THBS2: variants seen among roughly 807,000 people sequenced by gnomAD.
THBS2 encodes thrombospondin-2.
Under a neutral mutation model 135.2 loss-of-function variants are expected in THBS2, and 47 were observed. The ratio of observed to expected loss-of-function variants is 0.35; its 90% confidence interval spans 0.28 to 0.44. The LOEUF (loss-of-function observed/expected upper bound fraction) is 0.44. THBS2 is among the 20% of genes least tolerant of loss of function. The pLI is 1.00. For synonymous variants in THBS2, 639 were observed against 633.8 expected (o/e 1.01, Z -0.12); for missense variants, 1,288 against 1,603.1 (o/e 0.80, Z 3.36).
chr6:169,242,445 C>A (rs988064975), intron 4 of THBS2, among the ~76,000 whole-genome samples: 1 of 151,916 alleles, frequency 6.6e-6, no homozygotes, highest in South Asian at 2.1e-4. Context: ...CCCCAAACAC[C>A]CTTTCTTATG....
intron 16 of THBS2, 48 bp from the exon 17 acceptor site, chr6:169,225,427 G>A: frequency 6.6e-7 from 1 of 1,521,928 alleles, no homozygotes; most frequent in Non-Finnish European, 8.9e-7. Context: ...CCAGTTTGAG[G>A]AGGTGGAGAG....
intron 4 of THBS2, among the ~76,000 whole-genome samples, chr6:169,244,992 G>A (rs1048504887): frequency 3.3e-5 from 5 of 152,228 alleles, no homozygotes; most frequent in South Asian, 2.1e-4. Context: ...TGAAGTAGGC[G>A]GTGGGATCAC....
rs960895958 is a variant in THBS2 at position 169,216,234 on chromosome 6, A to G, written c.*1588T>C. 6.6e-6 allele frequency: 1 copy of G among 152,244 alleles called. No individual in the cohort carries two copies. The highest frequency in any genetic ancestry group is 2.4e-5 in the African/African-American group (1 of 41,462). 9.4% of individuals were successfully genotyped at this position (152,244 alleles called of 1,614,324 possible). On this transcript the variant is annotated 3_prime_UTR_variant, in exon 22 of 22. Coordinates refer to ENST00000617924, the MANE Select transcript of THBS2 (RefSeq NM_003247.5). ...TTTATCAAAATGCAATGTGTACATT[A>G]AGACTAAAGTTATGGATTGTTCCTG... is the stretch of plus-strand genomic sequence containing the variant.
rs1231447135 is a variant in THBS2, at chr6:169,241,119, C to T, written c.892-527G>A. Among the ~76,000 whole-genome samples, 2 of 149,982 alleles carry T rather than the reference C, an allele frequency of 1.3e-5. No individual in the cohort carries two copies. Among genetic ancestry groups the T allele is most frequent in the Non-Finnish European group, 3.0e-5 (2 of 67,454 alleles). ...GGGCTCCATCTCCTGGCATCATTTA[C>T]TTCATGCCCTCTGGGTACGAGTGAC... On this transcript the variant is annotated intron_variant, in intron 5 of 21. Transcript: ENST00000617924. The surrounding 1 kb of genome is among the most constrained non-coding windows in gnomAD (Gnocchi z 5.5).
At chr6:169,236,499 T>C (rs1340607719) in intron 9 of THBS2, among the ~76,000 whole-genome samples, 1 of 61,690 alleles carries the variant, frequency 1.6e-5, no homozygotes, top group Non-Finnish European at 3.2e-5. Context: ...CTCTCCACAT[T>C]CACTCCCATC....
intron 6 of THBS2, 150 bp from the exon 7 acceptor site, chr6:169,239,845 T>C (rs1780229909): frequency 4.6e-6 from 3 of 652,444 alleles, no homozygotes; most frequent in Non-Finnish European, 7.9e-6. Flanking sequence ...AAGGGCATCT[T>C]TTTCTCCCAT....
rs765238898 is a variant in THBS2, at chr6:169,248,851, G to T, written c.175C>A (p.Arg59Ser). ...TTCACCGGTGGGATGTAGTCAAAGC[G>T]CACGAAGCGGTAAGCCGGCACGCCG... Reference protein sequence around the residue: ...DPGVPAYRFVRFDYIPPVNAD... With the variant: ...DPGVPAYRFVSFDYIPPVNAD... The change falls in exon 3 of 22, where the codon CGC becomes AGC. Residue 59 changes from arginine (R) to serine (S), a missense_variant. Arg to Ser is a moderately radical substitution (Grantham distance 110, BLOSUM62 -1). This residue lies in a region of THBS2 where 414 missense variants were observed against 447.0 expected (regional missense o/e 0.93). Transcript: ENST00000617924. 1 of 1,611,452 alleles carries T rather than the reference G, an allele frequency of 6.2e-7. No homozygotes were observed. The highest frequency in any genetic ancestry group is 8.5e-7 in the Non-Finnish European group (1 of 1,180,006).
chr6:169,232,010 G>A lies in THBS2; in HGVS notation c.2121C>T (p.Cys707=), dbSNP rs200328575. ...TGCAGTGGTAGGTGGCGTTGGTGGC[G>A]CAGACCAGATTGAGGTTGGGCCAGC... The part of the protein sequence containing the change: ...LDGWPNLNLV[C]ATNATYHCIK... Residue 707 remains cysteine, a synonymous_variant, in exon 13 of 22, where the codon TGC becomes TGT. Transcript: ENST00000617924. 133 of 1,613,938 alleles carry A rather than the reference G, an allele frequency of 8.2e-5. No homozygotes were observed. In the East Asian group the frequency reaches 1.2e-3, roughly 15 times the overall value.
At chr6:169,226,095 T>A in intron 16 of THBS2, 85 bp downstream of exon 16, 1 of 1,437,690 alleles carries the variant, frequency 7.0e-7, no homozygotes, top group Admixed American at 1.7e-5. Flanking sequence ...CAGGGGCAGT[T>A]GTCACAGTGA....
chr6:169,232,303 G>A (rs1779867831), intron 12 of THBS2, 105 bp from the exon 13 acceptor site: 4 of 1,274,792 alleles, frequency 3.1e-6, no homozygotes, highest in African/African-American at 1.5e-5. Flanking sequence ...CCGGTCCCAA[G>A]CGGACCCAAG....
In THBS2 at chr6:169,225,209, A is replaced by G. The variant is rs1476551102; in HGVS notation, c.2709T>C (p.Asp903=). ...GDACDPDDDN[D]GVPDDRDNCR... ...AGTTGTCCCTGTCATCGGGGACGCCATCGTTGTCATCATCAGGGTCACAGG... is the reference window on the plus strand; with the variant it reads ...AGTTGTCCCTGTCATCGGGGACGCCGTCGTTGTCATCATCAGGGTCACAGG... Residue 903 remains aspartate (D), a synonymous_variant, in exon 17 of 22, where the codon GAT becomes GAC. Coordinates refer to ENST00000617924, the MANE Select transcript of THBS2 (RefSeq NM_003247.5). 7 of 1,614,140 alleles carry G rather than the reference A, an allele frequency of 4.3e-6. No individual in the cohort carries two copies. Among genetic ancestry groups the G allele is most frequent in the Non-Finnish European group, 5.9e-6 (7 of 1,180,006 alleles).
chr6:169,222,864 G>C (rs1319793858), intron 18 of THBS2, among the ~76,000 whole-genome samples: 1 of 151,774 alleles, frequency 6.6e-6, no homozygotes, highest in Non-Finnish European at 1.5e-5. Context: ...TTGGCCCTGT[G>C]ACCATCTGAC....
intron 21 of THBS2, among the ~76,000 whole-genome samples, chr6:169,218,099 G>A (rs1779249515): frequency 8.4e-6 from 1 of 119,562 alleles, no homozygotes; most frequent in South Asian, 3.2e-4. Context: ...TGGGTGGGTG[G>A]ATGGATGGGT....
intron 4 of THBS2, among the ~76,000 whole-genome samples, chr6:169,244,650 AC>A (rs1406055082): frequency 1.3e-5 from 2 of 152,154 alleles, no homozygotes; most frequent in Non-Finnish European, 2.9e-5. Flanking sequence ...GACTGAAAAA[AC>A]ATTATTGCAA....
chr6:169,226,076 G>T, intron 16 of THBS2, 104 bp downstream of exon 16: 1 of 1,316,168 alleles, frequency 7.6e-7, no homozygotes, highest in South Asian at 1.3e-5. Flanking sequence ...TCTGGTCAGG[G>T]TTGTGCACCA....
At chr6:169,223,839 C>T (rs1413390283) in intron 17 of THBS2, among the ~76,000 whole-genome samples, 1 of 152,214 alleles carries the variant, frequency 6.6e-6, no homozygotes, top group African/African-American at 2.4e-5. Flanking sequence ...GGATAGTTTT[C>T]TGAATGTCTG....
rs765396337 is a variant in THBS2 at position 169,248,616 on chromosome 6, A to C, written c.410T>G (p.Val137Gly). The C allele has an allele frequency of 1.7e-5, 27 of 1,614,002 alleles. No homozygotes were observed. The highest frequency in any genetic ancestry group is 2.3e-5 in the Non-Finnish European group (27 of 1,180,020). ...AGCCAGGCCGACGTCCTCCAGGGAG[A>C]CCACATGCCGGGTGCCGTCAATCCA... ...TYWIDGTRHV[V>G]SLEDVGLADS... Residue 137 changes from valine to glycine, a missense_variant, in exon 3 of 22, where the codon GTC becomes GGC. Physicochemically the swap from Val to Gly is moderately radical, Grantham distance 109 (BLOSUM62 -3). Transcript: ENST00000617924.
At chr6:169,219,892 G>C in intron 21 of THBS2, 1 of 571,522 alleles carries the variant, frequency 1.7e-6, no homozygotes, top group South Asian at 1.5e-5. Flanking sequence ...CTAAAATGGC[G>C]TCAGGAGCCT....
intron 1 of THBS2, among the ~76,000 whole-genome samples, chr6:169,253,332 G>T (rs1257271783): frequency 6.6e-6 from 1 of 152,192 alleles, no homozygotes; most frequent in Non-Finnish European, 1.5e-5. Context: ...TCCGGGAGTT[G>T]TTTCTAATTC....
Sources: allele counts gnomAD v4.1 joint callset (sites outside exome capture counted in the v4.1 genomes callset), GRCh38; gene constraint gnomAD v4.1.1; regional missense constraint gnomAD v4.1.1; non-coding constraint Gnocchi (gnomAD v3.1); transcripts MANE v1.5; gene names NCBI Gene and HGNC (gene_info 2026-07-23, HGNC 2026-07-21).